Variants in KIAA1549L observed in about 807,000 individuals in gnomAD.
The protein encoded by KIAA1549L is UPF0606 protein KIAA1549L.
KIAA1549L carries 88 observed loss-of-function variants against 160.7 expected under a neutral mutation model. The observed-to-expected ratio is 0.55, with a 90% confidence interval of 0.46 to 0.65. The LOEUF (loss-of-function observed/expected upper bound fraction) is 0.65. KIAA1549L is among the 30% of genes least tolerant of loss of function. The probability of loss-of-function intolerance (pLI) is 0.00; values close to 1 mark genes in which losing one functional copy is unlikely to be tolerated. For synonymous variants in KIAA1549L, 950 were observed against 976.7 expected (o/e 0.97, Z 0.51); for missense variants, 2,258 against 2,437.5 (o/e 0.93, Z 1.55).
At chr11:33,613,965 C>T (rs1850713479) in intron 15 of KIAA1549L, among the ~76,000 whole-genome samples, 1 of 152,140 alleles carries the variant, frequency 6.6e-6, no homozygotes, top group African/African-American at 2.4e-5. Context: ...CCTCAGCTCT[C>T]CCTGAGCCTG....
chr11:33,571,559 A>G (rs1855257002), intron 9 of KIAA1549L, among the ~76,000 whole-genome samples: 1 of 152,204 alleles, frequency 6.6e-6, no homozygotes, highest in Non-Finnish European at 1.5e-5. Flanking sequence ...AGCATGGCAG[A>G]AGATGAAGGC....
In KIAA1549L at chr11:33,578,276, G is replaced by A. The variant is rs538814752; in HGVS notation, c.4402+3403G>A. 4.0e-3 allele frequency among the ~76,000 whole-genome samples: 602 copies of A among 152,166 alleles called. 7 individuals carry two copies. Among genetic ancestry groups the A allele is most frequent in the African/African-American group, 0.013 (554 of 41,508 alleles). On this transcript the variant is annotated intron_variant, in intron 10 of 20. Transcript: ENST00000658780. ...AGTCTGGGAGGTGAGGGATGGCCCCGGAGGCTCAGCTGTCACTCAAGAGAG... is the reference window on the plus strand; with the variant it reads ...AGTCTGGGAGGTGAGGGATGGCCCCAGAGGCTCAGCTGTCACTCAAGAGAG...
chr11:33,588,835 GT>G (rs1304084857), intron 11 of KIAA1549L, among the ~76,000 whole-genome samples: 1 of 152,142 alleles, frequency 6.6e-6, no homozygotes, highest in Admixed American at 6.5e-5. Context: ...AGAGAAGGGG[GT>G]GATTATACTT....
At chr11:33,519,844 C>G (rs1853436720) in intron 1 of KIAA1549L, among the ~76,000 whole-genome samples, 1 of 152,094 alleles carries the variant, frequency 6.6e-6, no homozygotes. Flanking sequence ...TGGTGCCCTC[C>G]TCACATTTCC....
chr11:33,468,294 G>A (rs1475214154), intron 1 of KIAA1549L, among the ~76,000 whole-genome samples: 1 of 152,160 alleles, frequency 6.6e-6, no homozygotes, highest in Non-Finnish European at 1.5e-5. Flanking sequence ...TGGCACCAAA[G>A]TTTCTCTGTA....
At chr11:33,552,653 A>AACACAC (rs761358417) in intron 6 of KIAA1549L, among the ~76,000 whole-genome samples, 26 of 131,516 alleles carry the variant, frequency 2.0e-4, no homozygotes, top group South Asian at 8.1e-4. Context: ...GACACATGCC[A>AACACAC]ACACACACAC....
chr11:33,573,508 TCAC>T (rs1170310264), intron 9 of KIAA1549L, among the ~76,000 whole-genome samples: 9 of 152,210 alleles, frequency 5.9e-5, no homozygotes, highest in African/African-American at 2.2e-4. Flanking sequence ...TTATTCATTT[TCAC>T]CACTACACTA....
chr11:33,504,754 C>A (rs939944333), intron 1 of KIAA1549L, among the ~76,000 whole-genome samples: 7 of 152,082 alleles, frequency 4.6e-5, no homozygotes, highest in African/African-American at 1.7e-4. Context: ...AGGTGTGAGC[C>A]ACTGTGCCCG....
rs780421620 is a variant in KIAA1549L, at chr11:33,547,879, C to T, written c.3501C>T (p.His1167=). ...KAFHQNDVSA[H]VDILEYSHNV... ...TCCACCAGAACGATGTCTCAGCTCA[C>T]GTAAGTGCTTTGCTTTGTAACCAAG... is the stretch of plus-strand genomic sequence containing the variant. The change falls in exon 4 of 21, where the codon CAC becomes CAT. Residue 1167 remains histidine, a splice_region_variant and synonymous_variant. Coordinates refer to ENST00000658780, the MANE Select transcript of KIAA1549L (RefSeq NM_012194.3). The T allele has an allele frequency of 2.2e-5, 35 of 1,600,188 alleles. No homozygotes were observed. The highest frequency in any genetic ancestry group is 8.4e-5 in the Admixed American group (5 of 59,786).
intron 20 of KIAA1549L, among the ~76,000 whole-genome samples, chr11:33,663,857 A>G (rs1590464788): frequency 6.6e-6 from 1 of 152,328 alleles, no homozygotes; most frequent in East Asian, 1.9e-4. Flanking sequence ...CAGGAGCAAT[A>G]ACTGTTACGC....
intron 1 of KIAA1549L, among the ~76,000 whole-genome samples, chr11:33,435,816 G>GTGTGTATATATATATA (rs1554976827): frequency 1.5e-4 from 6 of 39,566 alleles, no homozygotes; most frequent in African/African-American, 9.6e-4. Context: ...ATATATGTGT[G>GTGTGTATATATATATA]TGTATATATA....
chr11:33,421,081 T>C (rs980703484), intron 1 of KIAA1549L, among the ~76,000 whole-genome samples: 14 of 152,290 alleles, frequency 9.2e-5, no homozygotes, highest in African/African-American at 2.2e-4. Context: ...CCTGGAAAAG[T>C]CTCTCTGGAG....
intron 1 of KIAA1549L, among the ~76,000 whole-genome samples, chr11:33,407,268 T>C (rs2134079691): frequency 6.6e-6 from 1 of 151,890 alleles, no homozygotes; most frequent in South Asian, 2.1e-4. Context: ...GTATTTTTAG[T>C]AGAGACGGCG....
intron 1 of KIAA1549L, among the ~76,000 whole-genome samples, chr11:33,480,043 A>T (rs1852375660): frequency 6.6e-6 from 1 of 150,486 alleles, no homozygotes; most frequent in Non-Finnish European, 1.5e-5. Flanking sequence ...CATATTAATG[A>T]TTGTGTGTGT....
intron 1 of KIAA1549L, among the ~76,000 whole-genome samples, chr11:33,442,206 G>A (rs563906194): frequency 4.0e-5 from 6 of 151,788 alleles, no homozygotes; most frequent in African/African-American, 1.5e-4. Flanking sequence ...GTTTTTGTCA[G>A]GTTTGTCAAA....
chr11:33,659,080 T>TTTTA (rs1368025745), intron 19 of KIAA1549L, among the ~76,000 whole-genome samples, 182 bp downstream of exon 19: 1 of 152,216 alleles, frequency 6.6e-6, no homozygotes, highest in Admixed American at 6.5e-5. Flanking sequence ...TTCTTTCTTT[T>TTTTA]AAAGATCTGA....
intron 4 of KIAA1549L, among the ~76,000 whole-genome samples, chr11:33,550,179 T>A (rs184641981): frequency 1.0e-3 from 155 of 152,014 alleles, no homozygotes; most frequent in African/African-American, 3.6e-3. Context: ...AAAAAATAGT[T>A]AAGATGGTAG....
At chr11:33,477,095 G>A (rs1852302216) in intron 1 of KIAA1549L, among the ~76,000 whole-genome samples, 1 of 152,180 alleles carries the variant, frequency 6.6e-6, no homozygotes, top group South Asian at 2.1e-4. Flanking sequence ...TCAGGCCAAA[G>A]GCAGTAACAC....
chr11:33,657,400 G>T (rs1212906936), intron 18 of KIAA1549L, among the ~76,000 whole-genome samples: 1 of 152,144 alleles, frequency 6.6e-6, no homozygotes, highest in Non-Finnish European at 1.5e-5. Context: ...TCGGGGGTGG[G>T]GGGTGCACTG....
Sources: gnomAD v4.1 joint callset for allele counts (sites outside exome capture counted in the v4.1 genomes callset) on GRCh38, gnomAD v4.1.1 for gene constraint, MANE v1.5 for transcripts, NCBI Gene and HGNC (gene_info 2026-07-23, HGNC 2026-07-21) for gene names.